RYR3: variants seen among roughly 807,000 people sequenced by gnomAD.
RYR3 encodes the protein ryanodine receptor 3.
In RYR3, 207 loss-of-function variants were observed where a neutral mutation model predicts 584.3. That is an observed-to-expected ratio of 0.35 (90% CI 0.32 to 0.40). The LOEUF is 0.40. RYR3 is among the 10% of genes least tolerant of loss of function. The probability of loss-of-function intolerance (pLI) is 1.00; values close to 1 mark genes in which losing one functional copy is unlikely to be tolerated. For missense variants in RYR3, 5,616 were observed against 6,089.2 expected, an observed-to-expected ratio of 0.92 and a Z score of 2.59; for synonymous variants, 2,416 against 2,248.5, an observed-to-expected ratio of 1.07 and a Z score of -2.11.
chr15:33,594,074 T>C (rs2059261525), intron 16 of RYR3, among the ~76,000 whole-genome samples: 1 of 152,178 alleles, frequency 6.6e-6, no homozygotes, highest in Non-Finnish European at 1.5e-5. Flanking sequence ...GGGTCCAAGA[T>C]AAACCTGGGG....
chr15:33,826,722 C>T lies in RYR3; in HGVS notation c.11215C>T (p.Leu3739=), dbSNP rs1165755543. Residue 3739 remains leucine (L), a synonymous_variant, in exon 84 of 104, where the codon CTA becomes TTA. Transcript: ENST00000634891. ...DEFTRDLFRF[L]QLLCEGHNSD... ...GTTCACGCGTGATCTCTTTAGATTCCTACAGTTACTTTGTGAGGGACATAA... is the reference window on the plus strand; with the variant it reads ...GTTCACGCGTGATCTCTTTAGATTCTTACAGTTACTTTGTGAGGGACATAA... 12 of 1,613,494 alleles carry T rather than the reference C, an allele frequency of 7.4e-6. No homozygotes were observed. The highest frequency in any genetic ancestry group is 1.0e-5 in the Non-Finnish European group (12 of 1,179,662).
chr15:33,604,374 C>T (rs1402375564), intron 18 of RYR3, among the ~76,000 whole-genome samples: 1 of 152,358 alleles, frequency 6.6e-6, no homozygotes, highest in Admixed American at 6.5e-5. Context: ...GAAGTCAGCT[C>T]AGGTCCCAAT....
At chr15:33,758,200 C>A (rs1171066366) in intron 60 of RYR3, among the ~76,000 whole-genome samples, 2 of 152,192 alleles carry the variant, frequency 1.3e-5, no homozygotes, top group African/African-American at 4.8e-5. Flanking sequence ...GGGTTTCAAG[C>A]ACAAAACTGG....
At position 33,826,268 on chromosome 15, in the gene RYR3, T is replaced by C. The variant is rs1478512957; in HGVS notation, c.11163T>C (p.Arg3721=). 1.9e-6 allele frequency: 3 copies of C among 1,613,730 alleles called. No homozygotes were observed. Among genetic ancestry groups the C allele is most frequent in the Non-Finnish European group, 2.5e-6 (3 of 1,179,758 alleles). The stretch of plus-strand genomic sequence containing the variant: ...CATTACCAGTCATTGTTCGGGAACG[T>C]GGTAAGTTTCAGTTTCTGGCCTGAG... ...TEEGTLIVRE[R]GEKVLQNDEF... is the part of the protein sequence containing the mutation. The change falls in exon 83 of 104, where the codon CGT becomes CGC. Residue 3721 remains arginine (R), a splice_region_variant and synonymous_variant. Coordinates refer to ENST00000634891, the MANE Select transcript of RYR3 (RefSeq NM_001036.6).
chr15:33,330,563 C>T lies in RYR3; in HGVS notation c.51+19467C>T, dbSNP rs75689242. ...TTACCTGACTAGTGTTCCTTCACGT[C>T]GTGATTCTCTTTGGTATCTCTACTG... On this transcript the variant is annotated intron_variant, in intron 1 of 103. Transcript: ENST00000634891. 8.4e-3 allele frequency among the ~76,000 whole-genome samples: 1,277 copies of T among 152,238 alleles called. 20 individuals carry two copies. The highest frequency in any genetic ancestry group is 0.029 in the African/African-American group (1,223 of 41,556).
intron 67 of RYR3, among the ~76,000 whole-genome samples, chr15:33,797,000 TCAGAAA>T (rs781141621): frequency 2.4e-4 from 36 of 152,150 alleles, no homozygotes; most frequent in Non-Finnish European, 4.9e-4. Flanking sequence ...ATGAGACAAC[TCAGAAA>T]CAGAAACTCG....
At position 33,566,662 on chromosome 15, in the gene RYR3, C is replaced by G. The variant is rs762779221; in HGVS notation, c.1147-16C>G. On this transcript the variant is annotated splice_polypyrimidine_tract_variant and intron_variant, in intron 11 of 103. Coordinates refer to ENST00000634891, the MANE Select transcript of RYR3 (RefSeq NM_001036.6). ...TAATTGTAACCTAGAGCTCCCGTCCCTTGCCCTGTGGGTAGGTCATACTCC... is the reference window on the plus strand; with the variant it reads ...TAATTGTAACCTAGAGCTCCCGTCCGTTGCCCTGTGGGTAGGTCATACTCC... 3 of 1,613,428 alleles carry G rather than the reference C, an allele frequency of 1.9e-6. No individual in the cohort carries two copies. The highest frequency in any genetic ancestry group is 2.2e-5 in the South Asian group (2 of 91,060).
At chr15:33,793,464 T>G (rs1301104633) in intron 67 of RYR3, among the ~76,000 whole-genome samples, 2 of 152,136 alleles carry the variant, frequency 1.3e-5, no homozygotes, top group Admixed American at 1.3e-4. Flanking sequence ...ATCCTGAAGC[T>G]ACCTAGCCCT....
intron 15 of RYR3, 38 bp downstream of exon 15, chr15:33,584,528 AG>A: frequency 2.1e-6 from 2 of 953,484 alleles, no homozygotes; most frequent in African/African-American, 1.7e-5. Flanking sequence ...GAAAAGATGA[AG>A]GGTTTTTTTT....
chr15:33,555,843 G>A (rs2057031915), intron 10 of RYR3, among the ~76,000 whole-genome samples: 2 of 152,190 alleles, frequency 1.3e-5, no homozygotes, highest in Admixed American at 6.5e-5. Context: ...CCAGCATGTA[G>A]TAAACAGAGG....
intron 33 of RYR3, 50 bp from the exon 34 acceptor site, chr15:33,660,147 C>T: frequency 7.6e-7 from 1 of 1,308,806 alleles, no homozygotes; most frequent in South Asian, 1.3e-5. Context: ...CTGGGTGCGT[C>T]ATCCAGCAAC....
chr15:33,647,602 C>T, intron 30 of RYR3, 142 bp downstream of exon 30: 1 of 617,148 alleles, frequency 1.6e-6, no homozygotes, highest in Non-Finnish European at 2.9e-6. Flanking sequence ...TTGATGCTTC[C>T]AGAACACATC....
At chr15:33,336,387 C>A in intron 1 of RYR3, among the ~76,000 whole-genome samples, 1 of 148,024 alleles carries the variant, frequency 6.8e-6, no homozygotes, top group Admixed American at 6.8e-5. Flanking sequence ...GATGGTGCCA[C>A]TGCACTCCAG....
Position 33,728,748 on chromosome 15 carries a change from A to T in RYR3, c.7034-109A>T, listed in dbSNP as rs2068677878. 7 of 1,015,630 alleles carry T rather than the reference A, an allele frequency of 6.9e-6. No homozygotes were observed. The East Asian group carries it at 1.8e-4, about 27-fold the overall frequency. The allele number at this position is 1,015,630 out of a possible 1,614,324, so 62.9% of individuals were successfully genotyped here. On this transcript the variant is annotated intron_variant, in intron 46 of 103. Transcript: ENST00000634891. ...ATGCTCAATCTGTATTTTTCCAAAA[A>T]TTCTTGTCCCTTATAGGGAGAATAA...
chr15:33,865,187 T>G lies in RYR3; in HGVS notation c.14574T>G (p.Gly4858=). ...QERCWDFFPA[G]DCFRKQYEDQ... ...GGTGTTGGGATTTCTTCCCAGCCGG[T>G]GACTGCTTTCGTAAACAATATGAAG... Residue 4858 remains glycine, a synonymous_variant, in exon 104 of 104, where the codon GGT becomes GGG. Transcript: ENST00000634891. 6.2e-7 allele frequency: 1 copy of G among 1,613,918 alleles called. No individual in the cohort carries two copies. The highest frequency in any genetic ancestry group is 1.7e-4 in the Middle Eastern group (1 of 6,060).
intron 50 of RYR3, among the ~76,000 whole-genome samples, chr15:33,739,472 G>T (rs1465770750): frequency 1.3e-5 from 2 of 151,540 alleles, no homozygotes; most frequent in Admixed American, 6.6e-5. Context: ...TTATAAGTTG[G>T]GTCCGTTTCT....
chr15:33,706,679 A>T (rs2152784006), intron 42 of RYR3, among the ~76,000 whole-genome samples: 1 of 152,230 alleles, frequency 6.6e-6, no homozygotes, highest in African/African-American at 2.4e-5. Flanking sequence ...GCTTTCAATT[A>T]TTTGGGGGTA....
chr15:33,454,846 G>A (rs1227145361), intron 1 of RYR3, among the ~76,000 whole-genome samples: 1 of 152,160 alleles, frequency 6.6e-6, no homozygotes, highest in East Asian at 1.9e-4. Flanking sequence ...AGGGCGGGTA[G>A]GAACTAAGGC....
At chr15:33,856,003 C>G (rs1458226401) in intron 98 of RYR3, 1 of 152,112 alleles carries the variant, frequency 6.6e-6, no homozygotes, top group South Asian at 2.1e-4. Context: ...TTACAGTGTG[C>G]CAAGCTCATG....
Sources: gnomAD v4.1 joint callset for allele counts (sites outside exome capture counted in the v4.1 genomes callset) on GRCh38, gnomAD v4.1.1 for gene constraint, MANE v1.5 for transcripts, NCBI Gene and HGNC (gene_info 2026-07-23, HGNC 2026-07-21) for gene names.